The following ANKS1B variants were observed in gnomAD, a reference collection of about 807,000 sequenced individuals.
The protein encoded by ANKS1B is ankyrin repeat and sterile alpha motif domain containing 1B.
ANKS1B carries 36 observed loss-of-function variants against 148.3 expected under a neutral mutation model. The ratio of observed to expected loss-of-function variants is 0.24; its 90% CI spans 0.19 to 0.32. The LOEUF (loss-of-function observed/expected upper bound fraction) is 0.32, where lower values mean the gene tolerates loss of function less well. Ranked by LOEUF, ANKS1B falls within the 10% of genes least tolerant of loss-of-function variation. The probability of loss-of-function intolerance (pLI) is 1.00; values close to 1 mark genes in which losing one functional copy is unlikely to be tolerated. For missense variants in ANKS1B, 1,157 were observed against 1,542.6 expected (o/e 0.75, Z 4.19); for synonymous variants, 542 against 560.8 (o/e 0.97, Z 0.47).
chr12:98,740,784 A>G (rs1477661852), downstream of ANKS1B, among the ~76,000 whole-genome samples: 2 of 152,234 alleles, frequency 1.3e-5, no homozygotes, highest in Non-Finnish European at 2.9e-5. Context: ...GGGGTGGCCA[A>G]TAAGCTGTAT....
intron 8 of ANKS1B, among the ~76,000 whole-genome samples, chr12:99,668,038 G>A (rs188069251): frequency 3.3e-5 from 5 of 152,060 alleles, no homozygotes; most frequent in East Asian, 3.9e-4. Context: ...CAGTAATGCT[G>A]ACTTCATATA....
intron 11 of ANKS1B, among the ~76,000 whole-genome samples, chr12:99,440,705 TTAAC>T (rs2095535887): frequency 6.6e-6 from 1 of 151,830 alleles, no homozygotes; most frequent in African/African-American, 2.4e-5. Flanking sequence ...TTCCAAGTAA[TTAAC>T]TAAGCAGAAA....
intron 25 of ANKS1B, among the ~76,000 whole-genome samples, chr12:98,755,278 C>T (rs1032364140): frequency 6.6e-6 from 1 of 152,166 alleles, no homozygotes; most frequent in African/African-American, 2.4e-5. Flanking sequence ...GGAGACTCTA[C>T]CGGGATGAGG....
intron 1 of ANKS1B, among the ~76,000 whole-genome samples, chr12:99,968,456 G>A (rs1366340530): frequency 6.6e-6 from 1 of 152,172 alleles, no homozygotes; most frequent in Non-Finnish European, 1.5e-5. Flanking sequence ...TACTCGGGAG[G>A]CTGAGGCAGG....
chr12:99,705,376 G>A (rs2055571706), intron 8 of ANKS1B, among the ~76,000 whole-genome samples: 1 of 152,022 alleles, frequency 6.6e-6, no homozygotes, highest in African/African-American at 2.4e-5. Flanking sequence ...ACAGCCCTAA[G>A]AACTTCCCAT....
chr12:99,669,722 T>C (rs1208749545), intron 8 of ANKS1B, among the ~76,000 whole-genome samples: 1 of 152,188 alleles, frequency 6.6e-6, no homozygotes, highest in Non-Finnish European at 1.5e-5. Context: ...GATACAAAGA[T>C]AACTTTAGGT....
At chr12:99,785,483 G>A (rs1299366740) in intron 4 of ANKS1B, among the ~76,000 whole-genome samples, 1 of 151,884 alleles carries the variant, frequency 6.6e-6, no homozygotes, top group East Asian at 1.9e-4. Flanking sequence ...GCCCAGGCTG[G>A]AGTGCTGTGG....
intron 10 of ANKS1B, among the ~76,000 whole-genome samples, chr12:99,470,060 C>T (rs1029728780): frequency 4.6e-5 from 7 of 151,254 alleles, no homozygotes; most frequent in Non-Finnish European, 1.0e-4. Context: ...TTTAGGCGGC[C>T]GTGAGTTATG....
At chr12:99,568,353 A>G (rs567981050) in intron 9 of ANKS1B, among the ~76,000 whole-genome samples, 53 of 152,246 alleles carry the variant, frequency 3.5e-4, no homozygotes, top group African/African-American at 1.1e-3. Flanking sequence ...TTGTGATTAT[A>G]CTCAGCCTAC....
At chr12:99,931,003 C>T (rs2094599135) in intron 1 of ANKS1B, among the ~76,000 whole-genome samples, 1 of 152,152 alleles carries the variant, frequency 6.6e-6, no homozygotes, top group African/African-American at 2.4e-5. Flanking sequence ...CCATGGAATA[C>T]TATGCAGCCA....
intron 17 of ANKS1B, among the ~76,000 whole-genome samples, chr12:98,848,879 T>C (rs1013463875): frequency 5.9e-5 from 9 of 151,818 alleles, no homozygotes; most frequent in Admixed American, 3.9e-4. Flanking sequence ...GCTGGGATTA[T>C]AGGCGCCTGC....
chr12:99,393,111 T>TAGATAGATAGATAGAC lies in ANKS1B; in HGVS notation c.1756+6519_1756+6520insGTCTATCTATCTATCT, dbSNP rs1555414107. The stretch of plus-strand genomic sequence containing the variant: ...GATAGACAGATGATAGATAGATAGA[T>TAGATAGATAGATAGAC]AGATAGATAGATAGATAGACAGATA... On this transcript the variant is annotated intron_variant, in intron 12 of 26. Transcript: ENST00000683438. 1.1e-4 allele frequency among the ~76,000 whole-genome samples: 16 copies of TAGATAGATAGATAGAC among 152,034 alleles called. No homozygotes were observed. In the East Asian group the frequency reaches 3.1e-3, roughly 30 times the overall value.
At chr12:98,838,348 C>T (rs1490933374) in intron 17 of ANKS1B, among the ~76,000 whole-genome samples, 2 of 152,208 alleles carry the variant, frequency 1.3e-5, no homozygotes, top group Non-Finnish European at 2.9e-5. Flanking sequence ...AGTCATGTAG[C>T]AACAGTCTGT....
intron 17 of ANKS1B, among the ~76,000 whole-genome samples, chr12:99,012,352 A>G (rs1013444305): frequency 6.6e-6 from 1 of 152,216 alleles, no homozygotes; most frequent in African/African-American, 2.4e-5. Context: ...TGCTTTTCCC[A>G]TTAGGCCACT....
At chr12:99,627,464 G>A (rs1379580973) in intron 9 of ANKS1B, among the ~76,000 whole-genome samples, 2 of 152,164 alleles carry the variant, frequency 1.3e-5, no homozygotes, top group Admixed American at 1.3e-4. Flanking sequence ...TTTTACAGAT[G>A]GGGAAATGGA....
At chr12:99,084,256 C>T (rs185108914) in intron 16 of ANKS1B, among the ~76,000 whole-genome samples, 211 of 152,188 alleles carry the variant, frequency 1.4e-3, no homozygotes, top group African/African-American at 4.8e-3. Context: ...GCTTTTAAGC[C>T]AGGGCCATTC....
chr12:99,096,806 C>T (rs562646778), intron 15 of ANKS1B, among the ~76,000 whole-genome samples: 37 of 152,246 alleles, frequency 2.4e-4, no homozygotes, highest in Non-Finnish European at 4.0e-4. Flanking sequence ...AAATGTCCTC[C>T]TGTCTAGTTT....
intron 17 of ANKS1B, chr12:98,894,885 C>T: frequency 1.0e-6 from 1 of 975,328 alleles, no homozygotes; most frequent in Non-Finnish European, 1.2e-6. Context: ...GGCCCGCGCG[C>T]GCGCCCCCCA....
chr12:98,880,319 T>C (rs1047193016), intron 17 of ANKS1B, among the ~76,000 whole-genome samples: 1 of 152,210 alleles, frequency 6.6e-6, no homozygotes, highest in East Asian at 1.9e-4. Context: ...ATGATGAAAG[T>C]CTGTTCAAAT....
Sources: allele counts gnomAD v4.1 joint callset (sites outside exome capture counted in the v4.1 genomes callset), GRCh38; gene constraint gnomAD v4.1.1; transcripts MANE v1.5; gene names NCBI Gene and HGNC (gene_info 2026-07-23, HGNC 2026-07-21).